Variants in PTPRM observed in about 807,000 individuals in gnomAD.
PTPRM encodes the protein receptor-type tyrosine-protein phosphatase mu.
Under a neutral mutation model 186.7 loss-of-function variants are expected in PTPRM, and 47 were observed. That is an observed-to-expected ratio of 0.25 (90% CI 0.20 to 0.32). PTPRM has a LOEUF of 0.32. PTPRM is among the 10% of genes least tolerant of loss of function. The pLI, the probability that PTPRM is intolerant of heterozygous loss-of-function variation, is 1.00. For synonymous variants in PTPRM, 668 were observed against 674.9 expected (o/e 0.99, Z 0.16); for missense variants, 1,494 against 1,865.0 (o/e 0.80, Z 3.66).
chr18:7,772,324 C>T (rs369314358), intron 1 of PTPRM, among the ~76,000 whole-genome samples: 10 of 144,392 alleles, frequency 6.9e-5, no homozygotes, highest in Non-Finnish European at 9.0e-5. Context: ...TTCCTCCCTT[C>T]GTTCTTTCTT....
intron 14 of PTPRM, among the ~76,000 whole-genome samples, chr18:8,193,284 C>A (rs766852403): frequency 6.6e-6 from 1 of 152,136 alleles, no homozygotes; most frequent in Non-Finnish European, 1.5e-5. Flanking sequence ...TTTGCCTTTA[C>A]TGTGGAGGGG....
chr18:7,981,057 A>G (rs1409989756), intron 7 of PTPRM, among the ~76,000 whole-genome samples: 1 of 151,960 alleles, frequency 6.6e-6, no homozygotes, highest in Non-Finnish European at 1.5e-5. Flanking sequence ...CAGCCTTAGC[A>G]CTTTCATTTT....
At chr18:7,726,194 T>C (rs1047310703) in intron 1 of PTPRM, among the ~76,000 whole-genome samples, 10 of 152,180 alleles carry the variant, frequency 6.6e-5, no homozygotes, top group African/African-American at 2.4e-4. Context: ...AGGGAAATAA[T>C]CTGCTTCTGT....
chr18:8,339,447 C>T (rs941266822), intron 22 of PTPRM, among the ~76,000 whole-genome samples: 1 of 152,166 alleles, frequency 6.6e-6, no homozygotes, highest in Non-Finnish European at 1.5e-5. Flanking sequence ...GGCTCCCCCC[C>T]AGCCAGAAAC....
intron 19 of PTPRM, among the ~76,000 whole-genome samples, chr18:8,289,455 TATAC>T (rs2095000073): frequency 2.3e-5 from 2 of 86,674 alleles, no homozygotes; most frequent in Non-Finnish European, 4.5e-5. Flanking sequence ...TATATATGTA[TATAC>T]ATATATATAC....
At chr18:7,795,122 G>A (rs189896981) in intron 2 of PTPRM, among the ~76,000 whole-genome samples, 8 of 152,336 alleles carry the variant, frequency 5.3e-5, no homozygotes, top group Admixed American at 2.6e-4. Context: ...TCACTCAGGC[G>A]TTTGGCTGCT....
intron 1 of PTPRM, among the ~76,000 whole-genome samples, chr18:7,728,564 G>A (rs969550608): frequency 1.3e-5 from 2 of 152,228 alleles, no homozygotes; most frequent in Non-Finnish European, 2.9e-5. Flanking sequence ...CATTCCATTG[G>A]TTAAAAGGCA....
chr18:7,636,507 C>T (rs1385163667), intron 1 of PTPRM, among the ~76,000 whole-genome samples: 2 of 152,098 alleles, frequency 1.3e-5, no homozygotes, highest in African/African-American at 2.4e-5. Context: ...TTCAAAAATA[C>T]TGTGTGTCTC....
chr18:7,570,466 A>C (rs1057334189), intron 1 of PTPRM, among the ~76,000 whole-genome samples: 1 of 152,188 alleles, frequency 6.6e-6, no homozygotes, highest in African/African-American at 2.4e-5. Context: ...TTTCTCATAG[A>C]TCCTTAGATG....
At chr18:7,887,503 G>A (rs759078300) in intron 2 of PTPRM, among the ~76,000 whole-genome samples, 35 of 152,190 alleles carry the variant, frequency 2.3e-4, no homozygotes, top group Non-Finnish European at 4.9e-4. Flanking sequence ...CAAGAGGATC[G>A]TATTACATTG....
intron 14 of PTPRM, among the ~76,000 whole-genome samples, chr18:8,193,481 T>C (rs113604692): frequency 7.1e-4 from 24 of 33,744 alleles, no homozygotes; most frequent in African/African-American, 3.0e-3. Context: ...AAAAATATGA[T>C]TAAATGACAG....
chr18:8,238,645 T>TTG (rs754185349), intron 14 of PTPRM, among the ~76,000 whole-genome samples: 10,215 of 115,358 alleles, frequency 0.089, 553 homozygotes, highest in Non-Finnish European at 0.11. Flanking sequence ...TCACACTGTT[T>TTG]TGTGTGTTTT....
chr18:8,131,017 CAT>C (rs1170026572), intron 13 of PTPRM, among the ~76,000 whole-genome samples: 2 of 152,188 alleles, frequency 1.3e-5, no homozygotes, highest in African/African-American at 4.8e-5. Flanking sequence ...TGGTGCTTCT[CAT>C]GTGGCTTTGT....
intron 14 of PTPRM, among the ~76,000 whole-genome samples, chr18:8,150,922 G>A (rs527660266): frequency 3.9e-5 from 6 of 152,060 alleles, no homozygotes; most frequent in Non-Finnish European, 8.8e-5. Flanking sequence ...CTGGAGGTCC[G>A]CTCCAGACCT....
At chr18:8,139,045 C>T (rs1435601128) in intron 13 of PTPRM, among the ~76,000 whole-genome samples, 1 of 152,058 alleles carries the variant, frequency 6.6e-6, no homozygotes, top group Non-Finnish European at 1.5e-5. Flanking sequence ...TTTATGACAA[C>T]CTCAAATTTA....
intron 32 of PTPRM, among the ~76,000 whole-genome samples, chr18:8,400,160 G>A (rs1056548583): frequency 1.3e-5 from 2 of 152,158 alleles, no homozygotes; most frequent in East Asian, 1.9e-4. Context: ...CCACCATCAC[G>A]TGCCTTGTAA....
chr18:7,599,933 T>C (rs1406100412), intron 1 of PTPRM, among the ~76,000 whole-genome samples: 1 of 152,228 alleles, frequency 6.6e-6, no homozygotes, highest in African/African-American at 2.4e-5. Context: ...TGGGATCTTC[T>C]ACATGCCTTT....
At chr18:7,583,305 T>C (rs1341010650) in intron 1 of PTPRM, among the ~76,000 whole-genome samples, 1 of 152,210 alleles carries the variant, frequency 6.6e-6, no homozygotes, top group Non-Finnish European at 1.5e-5. Context: ...TCCAATGTGA[T>C]CCTATTAGGT....
intron 1 of PTPRM, among the ~76,000 whole-genome samples, chr18:7,724,286 T>C (rs1303027333): frequency 6.6e-6 from 1 of 152,230 alleles, no homozygotes; most frequent in Non-Finnish European, 1.5e-5. Flanking sequence ...TTTTCATCTG[T>C]TACACAAAGA....
Sources: gnomAD v4.1 joint callset for allele counts (sites outside exome capture counted in the v4.1 genomes callset) on GRCh38, gnomAD v4.1.1 for gene constraint, MANE v1.5 for transcripts, NCBI Gene and HGNC (gene_info 2026-07-23, HGNC 2026-07-21) for gene names.